Variants in CFH observed in about 807,000 individuals in gnomAD.
CFH encodes H factor 1 (complement).
A neutral mutation model predicts 147.3 loss-of-function variants in CFH; 53 were observed. The ratio of observed to expected loss-of-function variants is 0.36; its 90% confidence interval spans 0.29 to 0.45. The LOEUF is 0.45. Among genes scored for constraint, CFH ranks in the 20% least tolerant of loss-of-function variants. CFH has a pLI of 1.00. For missense variants in CFH, 1,380 were observed against 1,498.0 expected (o/e 0.92, Z 1.30); for synonymous variants, 536 against 489.4 (o/e 1.10, Z -1.26).
intron 9 of CFH, among the ~76,000 whole-genome samples, chr1:196,692,994 T>A (rs114532054): frequency 0.013 from 1,998 of 151,170 alleles, 45 homozygotes; most frequent in African/African-American, 0.046. Context: ...ACTATTTTAC[T>A]CTTCATGCTA....
chr1:196,745,497 G>T (rs993331107), intron 20 of CFH, among the ~76,000 whole-genome samples: 6 of 151,882 alleles, frequency 4.0e-5, no homozygotes, highest in Non-Finnish European at 8.8e-5. Context: ...GGGATTTTTC[G>T]AATATGAAAT....
intron 15 of CFH, among the ~76,000 whole-genome samples, chr1:196,730,937 A>T (rs1175374178): frequency 6.6e-6 from 1 of 151,742 alleles, no homozygotes; most frequent in East Asian, 1.9e-4. Context: ...GTTTTTTTCC[A>T]TGCCTTCACT....
At chr1:196,731,594 T>G (rs1669281507) in intron 15 of CFH, among the ~76,000 whole-genome samples, 1 of 152,048 alleles carries the variant, frequency 6.6e-6, no homozygotes, top group Non-Finnish European at 1.5e-5. Flanking sequence ...TAGTAAGTTT[T>G]ATACTTTAAC....
At chr1:196,712,989 G>A (rs1316077962) in intron 9 of CFH, among the ~76,000 whole-genome samples, 1 of 151,930 alleles carries the variant, frequency 6.6e-6, no homozygotes, top group East Asian at 1.9e-4. Flanking sequence ...GTGTATATGT[G>A]CCACATTTTC....
chr1:196,731,068 C>T (rs989921844), intron 15 of CFH, among the ~76,000 whole-genome samples: 2 of 151,564 alleles, frequency 1.3e-5, no homozygotes, highest in African/African-American at 4.8e-5. Flanking sequence ...ATTCCATTTC[C>T]ATTTAAAGTA....
chr1:196,669,163 C>G (rs1159802685), intron 1 of CFH, among the ~76,000 whole-genome samples: 1 of 152,146 alleles, frequency 6.6e-6, no homozygotes, highest in Non-Finnish European at 1.5e-5. Context: ...CCCTAGAGAT[C>G]TGTGGAACTT....
At chr1:196,653,290 T>C (rs1250747446) in intron 1 of CFH, among the ~76,000 whole-genome samples, 1 of 151,812 alleles carries the variant, frequency 6.6e-6, no homozygotes, top group Non-Finnish European at 1.5e-5. Context: ...GTAAACTTTA[T>C]ATGTAGCCAC....
chr1:196,734,555 T>C (rs395963), intron 15 of CFH, among the ~76,000 whole-genome samples: 5,037 of 152,128 alleles, frequency 0.033, 249 homozygotes, highest in African/African-American at 0.11. Context: ...CAAAATATAT[T>C]GGTCTCTGTT....
intron 20 of CFH, among the ~76,000 whole-genome samples, chr1:196,745,273 T>C (rs528743081): frequency 4.6e-5 from 7 of 152,218 alleles, no homozygotes; most frequent in Admixed American, 2.0e-4. Flanking sequence ...ATATCCTTTC[T>C]CTTCTTTTTC....
At chr1:196,727,619 C>T (rs1389837062) in intron 14 of CFH, among the ~76,000 whole-genome samples, 1 of 152,024 alleles carries the variant, frequency 6.6e-6, no homozygotes, top group Non-Finnish European at 1.5e-5. Flanking sequence ...CCTTTTTAGG[C>T]ACTGAGAAGC....
intron 9 of CFH, among the ~76,000 whole-genome samples, chr1:196,691,959 C>T (rs904396494): frequency 4.6e-5 from 7 of 151,842 alleles, no homozygotes; most frequent in African/African-American, 1.2e-4. Flanking sequence ...ATGGTAAACT[C>T]AACATTTCCC....
intron 18 of CFH, 60 bp downstream of exon 18, chr1:196,740,852 G>T: frequency 6.6e-7 from 1 of 1,523,068 alleles, no homozygotes. Flanking sequence ...AAGTGTAAGT[G>T]GTACCAATAA....
At chr1:196,656,633 C>G (rs1666700021) in intron 1 of CFH, among the ~76,000 whole-genome samples, 1 of 150,440 alleles carries the variant, frequency 6.6e-6, no homozygotes, top group East Asian at 1.9e-4. Context: ...ATTTTTCCAT[C>G]ACTTTAACTT....
At chr1:196,736,184 T>C (rs1477605657) in intron 15 of CFH, among the ~76,000 whole-genome samples, 2 of 152,100 alleles carry the variant, frequency 1.3e-5, no homozygotes, top group Non-Finnish European at 2.9e-5. Context: ...GGCTGTGCAA[T>C]GCATTAAACT....
chr1:196,672,941 A>C (rs538559848), intron 1 of CFH, 37 bp from the exon 2 acceptor site: 1 of 1,548,970 alleles, frequency 6.5e-7, no homozygotes, highest in African/African-American at 1.4e-5. Flanking sequence ...ATTTAAATAG[A>C]CACTTTATGC....
At chr1:196,729,048 A>T (rs905325319) in intron 15 of CFH, among the ~76,000 whole-genome samples, 8 of 152,098 alleles carry the variant, frequency 5.3e-5, no homozygotes, top group African/African-American at 1.4e-4. Context: ...ATTGACACAT[A>T]CAGTTTCACT....
intron 12 of CFH, 137 bp downstream of exon 12, chr1:196,725,434 A>G: frequency 1.3e-6 from 1 of 775,816 alleles, no homozygotes; most frequent in Non-Finnish European, 2.2e-6. Context: ...AAGGACATGT[A>G]TTGAGTACTG....
intron 9 of CFH, among the ~76,000 whole-genome samples, chr1:196,698,333 A>G (rs1245082334): frequency 6.6e-6 from 1 of 152,140 alleles, no homozygotes; most frequent in Non-Finnish European, 1.5e-5. Flanking sequence ...TAGCCATACT[A>G]ATAAAGAAGA....
At chr1:196,676,631 A>C (rs1667464751) in intron 4 of CFH, among the ~76,000 whole-genome samples, 2 of 152,164 alleles carry the variant, frequency 1.3e-5, no homozygotes, top group Non-Finnish European at 2.9e-5. Flanking sequence ...CCAAATCTCT[A>C]GTCATTATGG....
Sources: gnomAD v4.1 joint callset for allele counts (sites outside exome capture counted in the v4.1 genomes callset) on GRCh38, gnomAD v4.1.1 for gene constraint, MANE v1.5 for transcripts, NCBI Gene and HGNC (gene_info 2026-07-23, HGNC 2026-07-21) for gene names.